The following ITGAD variants were observed in gnomAD, a reference collection of about 807,000 sequenced individuals.
ITGAD encodes integrin subunit alpha D.
A neutral mutation model predicts 139.0 loss-of-function variants in ITGAD; 105 were observed. The observed-to-expected ratio is 0.76, with a 90% CI of 0.65 to 0.89. The LOEUF (loss-of-function observed/expected upper bound fraction) is 0.89. Ranked by LOEUF, ITGAD falls within the 40% of genes least tolerant of loss-of-function variation. The probability of loss-of-function intolerance (pLI) is 0.00; values close to 1 mark genes in which losing one functional copy is unlikely to be tolerated. For synonymous variants in ITGAD, 569 were observed against 598.3 expected, an observed-to-expected ratio of 0.95 and a Z score of 0.71; for missense variants, 1,384 against 1,487.3, an observed-to-expected ratio of 0.93 and a Z score of 1.14.
At chr16:31,408,349 A>G in intron 9 of ITGAD, 76 bp from the exon 10 acceptor site, 3 of 1,270,064 alleles carry the variant, frequency 2.4e-6, no homozygotes, top group Non-Finnish European at 3.4e-6. Flanking sequence ...GCCTCAGATC[A>G]TGTTCTCCTC....
intron 23 of ITGAD, among the ~76,000 whole-genome samples, chr16:31,419,945 C>T (rs4640200): frequency 7.2e-5 from 11 of 152,054 alleles, no homozygotes; most frequent in African/African-American, 1.7e-4. Flanking sequence ...TCTCTCAAAT[C>T]GACTTGCTGG....
intron 16 of ITGAD, among the ~76,000 whole-genome samples, chr16:31,413,956 A>G (rs1040762447): frequency 3.3e-5 from 5 of 152,152 alleles, no homozygotes; most frequent in African/African-American, 7.2e-5. Flanking sequence ...ACGCTGCAAC[A>G]TCACGTCCCA....
intron 23 of ITGAD, among the ~76,000 whole-genome samples, chr16:31,420,402 T>C (rs2081984979): frequency 6.6e-6 from 1 of 151,208 alleles, no homozygotes; most frequent in African/African-American, 2.4e-5. Flanking sequence ...TTGCTGCTAT[T>C]GCTTTTTTTT....
chr16:31,403,503 G>A lies in ITGAD; in HGVS notation c.562G>A (p.Ala188Thr), dbSNP rs780831223. 6.2e-6 allele frequency: 10 copies of A among 1,613,986 alleles called. No individual in the cohort carries two copies. The highest frequency in any genetic ancestry group is 1.6e-4 in the Middle Eastern group (1 of 6,084). ...CCCTCCCCACTGGCCTTTGCAGTTT[G>A]CACTGATGCAGTACTCAAACCTCCT... ...GQFEGTDTLF[A>T]LMQYSNLLKI... Residue 188 changes from alanine (A) to threonine (T), a missense_variant, in exon 7 of 30, where the codon GCA (alanine) becomes ACA (threonine). Transcript: ENST00000389202. The surrounding 1 kb of genome is among the most constrained non-coding windows in gnomAD (Gnocchi z 4.4).
At chr16:31,408,623 C>T in intron 10 of ITGAD, 125 bp downstream of exon 10, 1 of 784,954 alleles carries the variant, frequency 1.3e-6, no homozygotes. Flanking sequence ...GGAGAGGCCC[C>T]CACGCGTGTG....
In ITGAD at chr16:31,416,222, G is replaced by A. The variant is rs780090302; in HGVS notation, c.2293G>A (p.Glu765Lys). The change falls in exon 19 of 30, where the codon GAG becomes AAG. Residue 765 changes from glutamate (E) to lysine (K), a missense_variant. Coordinates refer to ENST00000389202, the MANE Select transcript of ITGAD (RefSeq NM_005353.3). ...TACTATTTTGCTGCAGCTCCCCTTC[G>A]AGAAGAACTGTGGGCAAGATGGCCT... ...QDLFTASLPFEKNCGQDGLCE... is the reference protein window; with the variant it reads ...QDLFTASLPFKKNCGQDGLCE... 14 of 1,605,604 alleles carry A rather than the reference G, an allele frequency of 8.7e-6. No individual in the cohort carries two copies. In the African/African-American group the frequency reaches 1.3e-4, roughly 15 times the overall value.
intron 9 of ITGAD, 46 bp downstream of exon 9, chr16:31,407,962 C>A (rs1197501232): frequency 4.0e-6 from 6 of 1,516,372 alleles, no homozygotes; most frequent in East Asian, 2.3e-5. Flanking sequence ...GGTCCCCACC[C>A]AATTGTCCCG....
Position 31,403,327 on chromosome 16 carries a change from C to CAAAAA in ITGAD, c.559-171_559-167dup, listed in dbSNP as rs1241228637. The stretch of plus-strand genomic sequence containing the variant: ...TGTCTCTACCAAAAACAAAACAAAA[C>CAAAAA]AAAAAACAAAGCCAGGCATGTGACG... On this transcript the variant is annotated intron_variant, in intron 6 of 29. Coordinates refer to ENST00000389202, the MANE Select transcript of ITGAD (RefSeq NM_005353.3). The surrounding 1 kb of genome is among the most constrained non-coding windows in gnomAD (Gnocchi z 4.4). The CAAAAA allele has an allele frequency of 2.7e-6, 2 of 732,370 alleles. No homozygotes were observed. Among genetic ancestry groups the CAAAAA allele is most frequent in the Non-Finnish European group, 4.4e-6 (2 of 454,434 alleles). The allele number at this position is 732,370 out of a possible 1,614,324, so 45.4% of individuals were successfully genotyped here.
At chr16:31,393,582 GCTCAGGTGGCGACTAAGCTACCT>G (rs1275740882) in intron 1 of ITGAD, among the ~76,000 whole-genome samples, 191 bp downstream of exon 1, 1 of 152,084 alleles carries the variant, frequency 6.6e-6, no homozygotes, top group Non-Finnish European at 1.5e-5. Flanking sequence ...CAGGGGCTGT[GCTCAGGTGGCGACTAAGCTACCT>G]CTCCAGCTGG....
At position 31,412,130 on chromosome 16, in the gene ITGAD, C is replaced by T. The variant is rs372307983; in HGVS notation, c.1707+613C>T. 1.1e-4 allele frequency among the ~76,000 whole-genome samples: 17 copies of T among 150,586 alleles called. 1 individual carries two copies. The East Asian group carries it at 2.3e-3, about 21-fold the overall frequency. ...TGTCGCCCAGGCTGGAGTGCAGTGGCGTAATCTTGGCTCACTGCAACCTCC... is the reference window on the plus strand; with the variant it reads ...TGTCGCCCAGGCTGGAGTGCAGTGGTGTAATCTTGGCTCACTGCAACCTCC... On this transcript the variant is annotated intron_variant, in intron 14 of 29. Coordinates refer to ENST00000389202, the MANE Select transcript of ITGAD (RefSeq NM_005353.3).
intron 10 of ITGAD, among the ~76,000 whole-genome samples, chr16:31,409,546 C>T (rs1185445552): frequency 6.6e-6 from 1 of 152,080 alleles, no homozygotes; most frequent in Non-Finnish European, 1.5e-5. Flanking sequence ...AAACAAAGTA[C>T]ACCCAGGAGG....
chr16:31,422,882 G>T (rs190315933), intron 23 of ITGAD, among the ~76,000 whole-genome samples: 28 of 152,192 alleles, frequency 1.8e-4, no homozygotes, highest in African/African-American at 6.3e-4. Context: ...ATAGGGACAG[G>T]GTCTCACGAT....
Position 31,410,418 on chromosome 16 carries a change from G to A in ITGAD, c.1107G>A (p.Val369=), listed in dbSNP as rs910730271. ...AGGATGGCCTCTTCCTGGGGGCTGT[G>A]GGGAGCTTTAGCTGGTCTGGAGGTG... is the stretch of plus-strand genomic sequence containing the variant. ...LTMDGLFLGA[V]GSFSWSGGAF... is the part of the protein sequence containing the mutation. The change falls in exon 11 of 30, where the codon GTG becomes GTA. Residue 369 remains valine, a synonymous_variant. Transcript: ENST00000389202. 6.2e-6 allele frequency: 10 copies of A among 1,613,902 alleles called. No homozygotes were observed. Among genetic ancestry groups the A allele is most frequent in the South Asian group, 4.4e-5 (4 of 91,082 alleles).
chr16:31,416,271 C>T lies in ITGAD; in HGVS notation c.2342C>T (p.Thr781Ile). Reference sequence around the variant, plus strand: ...CTCTGTGAAGGGGACCTGGGTGTCACCCTCAGCTTCTCAGGGTGAGCTGTA... The same window carrying T: ...CTCTGTGAAGGGGACCTGGGTGTCATCCTCAGCTTCTCAGGGTGAGCTGTA... ...DGLCEGDLGV[T>I]LSFSGLQTLT... is the part of the protein sequence containing the mutation. The change falls in exon 19 of 30, where the codon ACC becomes ATC. Residue 781 changes from threonine to isoleucine, a missense_variant. Transcript: ENST00000389202. The T allele has an allele frequency of 6.2e-7, 1 of 1,603,812 alleles. No homozygotes were observed. The highest frequency in any genetic ancestry group is 1.7e-5 in the Admixed American group (1 of 59,372).
chr16:31,424,386 A>G (rs1317760540), intron 28 of ITGAD, 81 bp from the exon 29 acceptor site: 2 of 1,305,440 alleles, frequency 1.5e-6, no homozygotes, highest in African/African-American at 1.5e-5. Context: ...CTCAGAAAGG[A>G]GGGGAGAGAG....
intron 23 of ITGAD, among the ~76,000 whole-genome samples, chr16:31,420,917 C>A (rs1232240095): frequency 1.3e-5 from 2 of 151,906 alleles, no homozygotes; most frequent in Non-Finnish European, 2.9e-5. Context: ...GGGGAAGGAG[C>A]GAGGGAGATC....
chr16:31,421,320 T>A (rs1422709224), intron 23 of ITGAD, among the ~76,000 whole-genome samples: 1 of 151,114 alleles, frequency 6.6e-6, no homozygotes, highest in Non-Finnish European at 1.5e-5. Flanking sequence ...AAAACAGGCT[T>A]AGGCTGCGCA....
In ITGAD at chr16:31,413,263, A is replaced by C. The variant is rs2081785538; in HGVS notation, c.1996+17A>C. ...ACCAGCTAGGTGTGTTTCCCCCATA[A>C]AGGGGGCCCAGGCCCCTCATTCCAT... On this transcript the variant is annotated intron_variant, in intron 16 of 29. Coordinates refer to ENST00000389202, the MANE Select transcript of ITGAD (RefSeq NM_005353.3). 1 of 1,612,874 alleles carries C rather than the reference A, an allele frequency of 6.2e-7. No individual in the cohort carries two copies. The highest frequency in any genetic ancestry group is 8.5e-7 in the Non-Finnish European group (1 of 1,179,434).
At chr16:31,412,074 T>C (rs1343161559) in intron 14 of ITGAD, among the ~76,000 whole-genome samples, 1 of 151,052 alleles carries the variant, frequency 6.6e-6, no homozygotes, top group African/African-American at 2.5e-5. Flanking sequence ...GCTTTTTTTT[T>C]TTCTTTTTTT....
Sources: allele counts gnomAD v4.1 joint callset (sites outside exome capture counted in the v4.1 genomes callset), GRCh38; gene constraint gnomAD v4.1.1; non-coding constraint Gnocchi (gnomAD v3.1); transcripts MANE v1.5; gene names NCBI Gene and HGNC (gene_info 2026-07-23, HGNC 2026-07-21).